Variants in OSGIN1 observed in about 807,000 individuals in gnomAD.
The protein encoded by OSGIN1 is oxidative stress induced growth inhibitor 1, also known as oxidative stress-induced growth inhibitor 1.
Under a neutral mutation model 20.1 loss-of-function variants are expected in OSGIN1, and 19 were observed. That is an observed-to-expected ratio of 0.95 (90% CI 0.66 to 1.39). The LOEUF is 1.39. Among genes scored for constraint, OSGIN1 ranks in the 40% most tolerant of loss-of-function variants. OSGIN1 has a pLI of 0.00. For synonymous variants in OSGIN1, 368 were observed against 297.8 expected (o/e 1.24, Z -2.43); for missense variants, 820 against 653.0 (o/e 1.26, Z -2.79).
intron 1 of OSGIN1, 100 bp downstream of exon 1, chr16:83,953,470 C>T: frequency 8.9e-7 from 1 of 1,118,624 alleles, no homozygotes; most frequent in Non-Finnish European, 1.2e-6. Context: ...GCCCTGGCGC[C>T]AGGCGGGGGT....
rs1909097844 is a variant in OSGIN1, at chr16:83,959,410, G to T, written c.204+14G>T. ...ATCCTGGACCAGGTGGGTCAGCCTG[G>T]GGCCAGAGCTCTGGGTAGTACATAC... On this transcript the variant is annotated intron_variant, in intron 3 of 5. Coordinates refer to ENST00000393306, the MANE Select transcript of OSGIN1 (RefSeq NM_182981.3). 1 of 1,613,014 alleles carries T rather than the reference G, an allele frequency of 6.2e-7. No homozygotes were observed. The highest frequency in any genetic ancestry group is 1.7e-5 in the Admixed American group (1 of 59,908).
chr16:83,956,382 C>G (rs1908929733), intron 1 of OSGIN1, among the ~76,000 whole-genome samples: 1 of 152,232 alleles, frequency 6.6e-6, no homozygotes, highest in African/African-American at 2.4e-5. Context: ...ACATAGAAAT[C>G]CAGATTCCCA....
chr16:83,959,224 A>C, intron 2 of OSGIN1, 36 bp from the exon 3 acceptor site: 1 of 1,587,288 alleles, frequency 6.3e-7, no homozygotes, highest in Non-Finnish European at 8.6e-7. Context: ...CCACCTGAAA[A>C]GGCCACCCCC....
rs758061302 is a variant in OSGIN1 at position 83,965,468 on chromosome 16, G to A, written c.895G>A (p.Asp299Asn). 1.1e-5 allele frequency: 17 copies of A among 1,604,128 alleles called. No homozygotes were observed. Among genetic ancestry groups the A allele is most frequent in the East Asian group, 6.7e-5 (3 of 44,832 alleles). ...LIIGAGLSAA[D>N]AVLYARHYNI... ...CATTGGCGCGGGGCTGTCAGCGGCC[G>A]ACGCGGTCCTCTACGCCCGCCACTA... is the stretch of plus-strand genomic sequence containing the variant. Residue 299 changes from aspartate to asparagine, a missense_variant, in exon 6 of 6, where the codon GAC becomes AAC. Physicochemically the swap from Asp to Asn is conservative, Grantham distance 23. Transcript: ENST00000393306.
chr16:83,965,020 C>CA, intron 5 of OSGIN1, 42 bp from the exon 6 acceptor site: 9 of 1,326,504 alleles, frequency 6.8e-6, no homozygotes, highest in African/African-American at 1.4e-5. Flanking sequence ...CCCCCAACCC[C>CA]TAACAGTGTC....
Position 83,960,664 on chromosome 16 carries a change from G to C in OSGIN1, c.300G>C (p.Gly100=), listed in dbSNP as rs142630740. Residue 100 remains glycine (G), a synonymous_variant, in exon 4 of 6, where the codon GGG becomes GGC. Transcript: ENST00000393306. ...TTCTACGCCCAGACACAGACTTTGG[G>C]GGAAACATGAAGTCGGTCCTCACCT... is the stretch of plus-strand genomic sequence containing the variant. The part of the protein sequence containing the change: ...DALLRPDTDF[G]GNMKSVLTWK... 4 of 1,613,516 alleles carry C rather than the reference G, an allele frequency of 2.5e-6. No individual in the cohort carries two copies. In the Admixed American group the frequency reaches 5.0e-5, roughly 20 times the overall value.
At chr16:83,958,811 A>G (rs1015784091) in intron 2 of OSGIN1, among the ~76,000 whole-genome samples, 1 of 152,192 alleles carries the variant, frequency 6.6e-6, no homozygotes, top group Non-Finnish European at 1.5e-5. Flanking sequence ...AATCTGTGCT[A>G]CATTCACTCA....
In OSGIN1 at chr16:83,965,908, G is replaced by C. The variant is rs2084275154; in HGVS notation, c.1335G>C (p.Met445Ile). 1 of 1,612,818 alleles carries C rather than the reference G, an allele frequency of 6.2e-7. No homozygotes were observed. Among genetic ancestry groups the C allele is most frequent in the Non-Finnish European group, 8.5e-7 (1 of 1,179,988 alleles). ...QSTRQEGLYA[M>I]GPLAGDNFVR... ...CCCGCCAGGAGGGCCTGTACGCCAT[G>C]GGGCCGCTGGCCGGGGACAACTTCG... The change falls in exon 6 of 6, where the codon ATG becomes ATC. Residue 445 changes from methionine to isoleucine, a missense_variant. By Grantham distance (10) the Met-to-Ile change is conservative. Coordinates refer to ENST00000393306, the MANE Select transcript of OSGIN1 (RefSeq NM_182981.3).
At chr16:83,958,867 G>A (rs1436812317) in intron 2 of OSGIN1, among the ~76,000 whole-genome samples, 2 of 152,196 alleles carry the variant, frequency 1.3e-5, no homozygotes, top group Non-Finnish European at 2.9e-5. Context: ...CAGTCGCGTC[G>A]TCAGATATTC....
At chr16:83,957,600 C>T (rs1908992798) in intron 1 of OSGIN1, 40 bp from the exon 2 acceptor site, 2 of 1,044,404 alleles carry the variant, frequency 1.9e-6, no homozygotes, top group Non-Finnish European at 2.9e-6. Context: ...ACCCAGGCCT[C>T]ACCCGAATGG....
At chr16:83,957,038 G>C (rs116602919) in intron 1 of OSGIN1, 3 of 152,552 alleles carry the variant, frequency 2.0e-5, no homozygotes, top group African/African-American at 7.2e-5. Flanking sequence ...AGGCCACAGC[G>C]CTGGCCCATT....
At chr16:83,962,647 T>C (rs1217683584) in intron 5 of OSGIN1, among the ~76,000 whole-genome samples, 1 of 152,220 alleles carries the variant, frequency 6.6e-6, no homozygotes, top group African/African-American at 2.4e-5. Flanking sequence ...CCTGGCTGTA[T>C]ACGTTAGGGA....
In OSGIN1 at chr16:83,953,481, C is replaced by A. The variant is rs939087786; in HGVS notation, c.-33+111C>A. 1.4e-5 allele frequency: 14 copies of A among 1,005,240 alleles called. No individual in the cohort carries two copies. The African/African-American group carries it at 2.2e-4, about 15-fold the overall frequency. The allele number at this position is 1,005,240 out of a possible 1,614,324, so 62.3% of individuals were successfully genotyped here. ...CAGAGCCCTGGCGCCAGGCGGGGGT[C>A]CCGGGTGGTCCTGAGTGGAGGCCCT... On this transcript the variant is annotated intron_variant, in intron 1 of 5. Coordinates refer to ENST00000393306, the MANE Select transcript of OSGIN1 (RefSeq NM_182981.3).
chr16:83,956,444 C>T (rs952555088), intron 1 of OSGIN1, among the ~76,000 whole-genome samples: 3 of 152,220 alleles, frequency 2.0e-5, no homozygotes, highest in African/African-American at 7.2e-5. Flanking sequence ...CCACCCCTGG[C>T]CACTCTGGGT....
At position 83,965,382 on chromosome 16, in the gene OSGIN1, C is replaced by A; in HGVS notation, c.809C>A (p.Ser270Tyr). The change falls in exon 6 of 6, where the codon TCT becomes TAT. Residue 270 changes from serine (S) to tyrosine (Y), a missense_variant. Physicochemically the swap from Ser to Tyr is moderately radical, Grantham distance 144 (BLOSUM62 -2). Coordinates refer to ENST00000393306, the MANE Select transcript of OSGIN1 (RefSeq NM_182981.3). ...CTGCCCTTCATCCACCATGAGCTGT[C>A]TGCCCTGGAGGCCGCCACAAGGGTG... The part of the protein sequence containing the change: ...EALPFIHHEL[S>Y]ALEAATRVGA... 1 of 1,573,986 alleles carries A rather than the reference C, an allele frequency of 6.4e-7. No individual in the cohort carries two copies.
At chr16:83,957,254 C>T (rs1020341489) in intron 1 of OSGIN1, 3 of 188,486 alleles carry the variant, frequency 1.6e-5, no homozygotes, top group Non-Finnish European at 3.3e-5. Flanking sequence ...AGGACTGTGG[C>T]CCACAGAAGG....
chr16:83,956,683 C>T (rs938403770), intron 1 of OSGIN1, among the ~76,000 whole-genome samples: 3 of 152,206 alleles, frequency 2.0e-5, no homozygotes, highest in African/African-American at 7.2e-5. Flanking sequence ...ACAGGGTCAG[C>T]GTGAGGCGGA....
rs764225779 is a variant in OSGIN1 at position 83,959,407 on chromosome 16, C to T, written c.204+11C>T. On this transcript the variant is annotated intron_variant, in intron 3 of 5. Coordinates refer to ENST00000393306, the MANE Select transcript of OSGIN1 (RefSeq NM_182981.3). ...TCCATCCTGGACCAGGTGGGTCAGC[C>T]TGGGGCCAGAGCTCTGGGTAGTACA... 1 of 1,613,268 alleles carries T rather than the reference C, an allele frequency of 6.2e-7. No homozygotes were observed. The highest frequency in any genetic ancestry group is 2.2e-5 in the East Asian group (1 of 44,866).
chr16:83,965,000 C>CGA, intron 5 of OSGIN1, 62 bp from the exon 6 acceptor site: 1 of 520,876 alleles, frequency 1.9e-6, no homozygotes, highest in Non-Finnish European at 3.7e-6. Flanking sequence ...CATCTCCCGT[C>CGA]CCACCCAGCC....
Sources: gnomAD v4.1 joint callset for allele counts (sites outside exome capture counted in the v4.1 genomes callset) on GRCh38, gnomAD v4.1.1 for gene constraint, MANE v1.5 for transcripts, NCBI Gene and HGNC (gene_info 2026-07-23, HGNC 2026-07-21) for gene names.